Variants in SLC18A1 observed in about 807,000 individuals in gnomAD.
The protein encoded by SLC18A1 is chromaffin granule amine transporter.
A neutral mutation model predicts 53.7 loss-of-function variants in SLC18A1; 69 were observed. That is an observed-to-expected ratio of 1.28 (90% CI 1.06 to 1.57). The LOEUF (loss-of-function observed/expected upper bound fraction) is 1.57. Among genes scored for constraint, SLC18A1 ranks in the 40% most tolerant of loss-of-function variants. The probability of loss-of-function intolerance (pLI) is 0.00; values close to 1 mark genes in which losing one functional copy is unlikely to be tolerated. For synonymous variants in SLC18A1, 320 were observed against 248.1 expected, an observed-to-expected ratio of 1.29 and a Z score of -2.72; for missense variants, 932 against 668.1, an observed-to-expected ratio of 1.40 and a Z score of -4.35.
intron 4 of SLC18A1, 94 bp from the exon 5 acceptor site, chr8:20,174,538 G>A (rs1298462470): frequency 2.6e-6 from 2 of 766,172 alleles, no homozygotes; most frequent in East Asian, 5.1e-5. Context: ...GCAGATATGA[G>A]TCTTGATGCA....
chr8:20,153,536 G>A (rs1300096027), intron 10 of SLC18A1, among the ~76,000 whole-genome samples: 2 of 152,154 alleles, frequency 1.3e-5, no homozygotes, highest in Non-Finnish European at 2.9e-5. Context: ...AAATTAGCTG[G>A]GCATGGTGGC....
Position 20,145,377 on chromosome 8 carries a change from A to G in SLC18A1, c.*386T>C, listed in dbSNP as rs17092091. On this transcript the variant is annotated 3_prime_UTR_variant, in exon 16 of 16. Transcript: ENST00000276373. The stretch of plus-strand genomic sequence containing the variant: ...TTCCGATCTGTTGGGACTATGCCAG[A>G]GAAAATCAGGCAACAGATTAAAGAG... 3.8e-3 allele frequency: 601 copies of G among 158,756 alleles called. 6 individuals carry two copies. The highest frequency in any genetic ancestry group is 9.4e-3 in the Middle Eastern group (3 of 320). The allele number at this position is 158,756 out of a possible 1,614,324, so 9.8% of individuals were successfully genotyped here.
intron 2 of SLC18A1, among the ~76,000 whole-genome samples, chr8:20,180,032 T>G (rs959320059): frequency 6.6e-6 from 1 of 152,214 alleles, no homozygotes; most frequent in Non-Finnish European, 1.5e-5. Context: ...GCAAGTCACT[T>G]AACACTTCTG....
intron 8 of SLC18A1, among the ~76,000 whole-genome samples, chr8:20,170,212 G>T (rs375113828): frequency 2.0e-5 from 3 of 150,920 alleles, no homozygotes; most frequent in African/African-American, 7.3e-5. Flanking sequence ...GCTCCTAGTT[G>T]CTCTGGGGGA....
intron 4 of SLC18A1, among the ~76,000 whole-genome samples, chr8:20,175,159 T>C (rs115886665): frequency 0.01 from 1,524 of 152,224 alleles, 28 homozygotes; most frequent in African/African-American, 0.035. Flanking sequence ...ATAAGAGAAA[T>C]ATGGCTCTGT....
At chr8:20,162,822 C>G (rs2071862354) in intron 10 of SLC18A1, among the ~76,000 whole-genome samples, 1 of 152,204 alleles carries the variant, frequency 6.6e-6, no homozygotes, top group Admixed American at 6.5e-5. Flanking sequence ...CTTCTGAGCC[C>G]TCACCAGAAT....
chr8:20,179,520 G>A, intron 2 of SLC18A1, 36 bp from the exon 3 acceptor site: 1 of 1,575,146 alleles, frequency 6.3e-7, no homozygotes, highest in African/African-American at 1.3e-5. Flanking sequence ...GGGGGCTAAG[G>A]ACCGATGTCA....
rs138398251 is a variant in SLC18A1, at chr8:20,180,436, A to G, written c.124+405T>C. 3.2e-4 allele frequency among the ~76,000 whole-genome samples: 49 copies of G among 152,330 alleles called. No individual in the cohort carries two copies. The East Asian group carries it at 9.1e-3, about 28-fold the overall frequency. On this transcript the variant is annotated intron_variant, in intron 2 of 15. Coordinates refer to ENST00000276373, the MANE Select transcript of SLC18A1 (RefSeq NM_003053.4). ...AGGCAAGGTCTTGATACTAAATCAG[A>G]TATCCAAATAAAATATGCTGTTTTT...
chr8:20,168,796 C>G (rs1397637079), intron 8 of SLC18A1, among the ~76,000 whole-genome samples: 14 of 152,178 alleles, frequency 9.2e-5, no homozygotes, highest in Admixed American at 8.5e-4. Context: ...TCTCAAACTC[C>G]TGGTCTCAAG....
Position 20,171,053 on chromosome 8 carries a change from A to G in SLC18A1, c.858+50T>C, listed in dbSNP as rs2072102131. On this transcript the variant is annotated intron_variant, in intron 8 of 15. Transcript: ENST00000276373. ...TTGGCAGGCATGCCTGGGTTCCTGC[A>G]TTCAGCCATCCTGTATAACTGTTAG... The G allele has an allele frequency of 1.2e-5, 19 of 1,586,692 alleles. No individual in the cohort carries two copies. The East Asian group carries it at 3.8e-4, about 32-fold the overall frequency.
At position 20,165,074 on chromosome 8, in the gene SLC18A1, T is replaced by C. The variant is rs769385238; in HGVS notation, c.892A>G (p.Lys298Glu). The C allele has an allele frequency of 6.2e-7, 1 of 1,614,200 alleles. No individual in the cohort carries two copies. Among genetic ancestry groups the C allele is most frequent in the Non-Finnish European group, 8.5e-7 (1 of 1,180,032 alleles). ...AKGTPLFMLL[K>E]DPYILVAAGS... The stretch of plus-strand genomic sequence containing the variant: ...GCAGCCACCAGGATGTAAGGGTCTT[T>C]GAGAAGCATAAAGAGGGGAGTCCCC... Residue 298 changes from lysine (K) to glutamate (E), a missense_variant, in exon 9 of 16, where the codon AAA (lysine) becomes GAA (glutamate). Lys to Glu is a moderately conservative substitution (Grantham distance 56). Transcript: ENST00000276373.
intron 10 of SLC18A1, among the ~76,000 whole-genome samples, chr8:20,155,413 C>G (rs895136205): frequency 2.6e-5 from 4 of 152,110 alleles, no homozygotes; most frequent in African/African-American, 2.4e-5. Flanking sequence ...CTAACAACAC[C>G]CAATCCTTCT....
intron 12 of SLC18A1, among the ~76,000 whole-genome samples, chr8:20,148,873 G>A (rs1242555819): frequency 6.6e-6 from 1 of 152,160 alleles, no homozygotes; most frequent in Non-Finnish European, 1.5e-5. Flanking sequence ...GCCAGACACT[G>A]TGGTTTATTT....
At chr8:20,161,474 T>C (rs1291364701) in intron 10 of SLC18A1, among the ~76,000 whole-genome samples, 1 of 152,234 alleles carries the variant, frequency 6.6e-6, no homozygotes, top group African/African-American at 2.4e-5. Flanking sequence ...GAAATGATTA[T>C]AGTACATGGA....
In SLC18A1 at chr8:20,173,194, G is replaced by T. The variant is rs573765213; in HGVS notation, c.632-66C>A. On this transcript the variant is annotated intron_variant, in intron 5 of 15. Transcript: ENST00000276373. ...CTTCTATCCGCCTCTCAGAGCCCTT[G>T]GTCCCACCCTGTTATCTCTTCAGTG... 2.2e-5 allele frequency: 26 copies of T among 1,180,310 alleles called. No homozygotes were observed. The East Asian group carries it at 6.4e-4, about 29-fold the overall frequency. The allele number at this position is 1,180,310 out of a possible 1,614,324, so 73.1% of individuals were successfully genotyped here.
chr8:20,173,773 C>T (rs2072185343), intron 5 of SLC18A1, among the ~76,000 whole-genome samples: 1 of 152,144 alleles, frequency 6.6e-6, no homozygotes, highest in South Asian at 2.1e-4. Flanking sequence ...AAAGCCTGCC[C>T]TTCTTCATAG....
At position 20,180,966 on chromosome 8, in the gene SLC18A1, G is replaced by C. The variant is rs2072413319; in HGVS notation, c.-2C>G. The C allele has an allele frequency of 1.3e-6, 2 of 1,563,628 alleles. No individual in the cohort carries two copies. The highest frequency in any genetic ancestry group is 1.4e-5 in the African/African-American group (1 of 73,352). On this transcript the variant is annotated 5_prime_UTR_variant, in exon 2 of 16. Transcript: ENST00000276373. The stretch of plus-strand genomic sequence containing the variant: ...AGCATCCAGAATGGTCCGGAGCATG[G>C]TGATGGCCGGACTGGGGCAGTCTTC...
rs1329421223 is a variant in SLC18A1, at chr8:20,149,810, C to A, written c.1095-83G>T. 8.4e-6 allele frequency: 11 copies of A among 1,310,212 alleles called. No individual in the cohort carries two copies. In the East Asian group the frequency reaches 1.4e-4, roughly 17 times the overall value. 81.2% of individuals were successfully genotyped at this position (1,310,212 alleles called of 1,614,324 possible). A position where few individuals can be genotyped will look rare whatever the true frequency, so the allele number is the denominator to read the frequency against. ...CCCCATCACCGCCATGCTGACCTGT[C>A]CCACCAGCCCTAATCCCAGCAACCC... On this transcript the variant is annotated intron_variant, in intron 11 of 15. Transcript: ENST00000276373.
At chr8:20,177,156 ATGAACAG>A (rs2072272792) in intron 4 of SLC18A1, among the ~76,000 whole-genome samples, 1 of 152,242 alleles carries the variant, frequency 6.6e-6, no homozygotes, top group Non-Finnish European at 1.5e-5. Flanking sequence ...TAGAAGTTCC[ATGAACAG>A]TGCTAATTTG....
Sources: gnomAD v4.1 joint callset for allele counts (sites outside exome capture counted in the v4.1 genomes callset) on GRCh38, gnomAD v4.1.1 for gene constraint, MANE v1.5 for transcripts, NCBI Gene and HGNC (gene_info 2026-07-23, HGNC 2026-07-21) for gene names.